VPS13B: variants seen among roughly 807,000 people sequenced by gnomAD.
VPS13B encodes vacuolar protein sorting 13 homolog B.
In VPS13B, 285 loss-of-function variants were observed where a neutral mutation model predicts 426.4. The ratio of observed to expected loss-of-function variants is 0.67; its 90% CI spans 0.61 to 0.74. VPS13B has a LOEUF of 0.74. Among genes scored for constraint, VPS13B ranks in the 30% least tolerant of loss-of-function variants. VPS13B has a pLI of 0.00. For synonymous variants in VPS13B, 1,676 were observed against 1,676.4 expected, an observed-to-expected ratio of 1.00 and a Z score of 0.01; for missense variants, 4,537 against 4,782.6, an observed-to-expected ratio of 0.95 and a Z score of 1.51.
At chr8:99,138,292 A>C (rs1363806333) in intron 12 of VPS13B, among the ~76,000 whole-genome samples, 1 of 152,084 alleles carries the variant, frequency 6.6e-6, no homozygotes, top group Non-Finnish European at 1.5e-5. Context: ...ATGCCTGGCT[A>C]ATTTTTGTAT....
rs763211157 is a variant in VPS13B, at chr8:99,820,029, C to T, written c.8901C>T (p.Ile2967=). 6.2e-7 allele frequency: 1 copy of T among 1,614,004 alleles called. No homozygotes were observed. The highest frequency in any genetic ancestry group is 8.5e-7 in the Non-Finnish European group (1 of 1,179,912). Reference sequence around the variant, plus strand: ...AACTTCTGCCCTGGGCCCTGCTTATCAATGAATCCAAATGGGACCTCTGGC... The same window carrying T: ...AACTTCTGCCCTGGGCCCTGCTTATTAATGAATCCAAATGGGACCTCTGGC... ...LIELLPWALL[I]NESKWDLWLF... The change falls in exon 49 of 62, where the codon ATC becomes ATT. Residue 2967 remains isoleucine (I), a synonymous_variant. Transcript: ENST00000357162.
intron 60 of VPS13B, chr8:99,871,183 C>T: frequency 1.6e-6 from 1 of 611,226 alleles, no homozygotes. Flanking sequence ...GGAACCAGCA[C>T]TCTAATTAGA....
Position 99,165,086 on chromosome 8 carries a change from A to G in VPS13B, c.2209-4953A>G, listed in dbSNP as rs1283399889. Among the ~76,000 whole-genome samples, 17 of 152,202 alleles carry G rather than the reference A, an allele frequency of 1.1e-4. 1 individual carries two copies. Among genetic ancestry groups the G allele is most frequent in the Admixed American group, 1.1e-3 (17 of 15,286 alleles). On this transcript the variant is annotated intron_variant, in intron 15 of 61. Transcript: ENST00000357162. ...TTTTATTTGTAATTGACAAAATTGT[A>G]TATATTATTGTTTATAACATGTTTT...
chr8:99,149,782 C>T (rs1024693998), intron 14 of VPS13B, among the ~76,000 whole-genome samples: 5 of 152,036 alleles, frequency 3.3e-5, no homozygotes, highest in East Asian at 1.9e-4. Context: ...ACCTGAGCTC[C>T]GCCTCCTGTG....
At chr8:99,090,402 G>A (rs1318699437) in intron 3 of VPS13B, among the ~76,000 whole-genome samples, 1 of 151,718 alleles carries the variant, frequency 6.6e-6, no homozygotes, top group Non-Finnish European at 1.5e-5. Context: ...TGAGTAGCTG[G>A]GATTACAGGT....
At chr8:99,724,505 C>T (rs1833252898) in intron 39 of VPS13B, among the ~76,000 whole-genome samples, 2 of 151,968 alleles carry the variant, frequency 1.3e-5, no homozygotes, top group South Asian at 4.2e-4. Flanking sequence ...TGTCTCCCCA[C>T]CCCCCGCCTT....
At chr8:99,640,706 CA>C (rs1458430874) in intron 33 of VPS13B, among the ~76,000 whole-genome samples, 6 of 152,118 alleles carry the variant, frequency 3.9e-5, no homozygotes, top group Admixed American at 2.6e-4. Flanking sequence ...AAATGTTATG[CA>C]GCTTTAAAAA....
rs151322976 is a variant in VPS13B, at chr8:99,164,390, C to T, written c.2209-5649C>T. ...TTCCTGTAAACGCCGGGCAGCATCT[C>T]GTACTATCCCTGACTGGTTAGTGTA... On this transcript the variant is annotated intron_variant, in intron 15 of 61. Transcript: ENST00000357162. Among the ~76,000 whole-genome samples the T allele has an allele frequency of 4.9e-3, 752 of 152,248 alleles. 6 individuals carry two copies. Among genetic ancestry groups the T allele is most frequent in the African/African-American group, 0.017 (710 of 41,546 alleles).
intron 33 of VPS13B, among the ~76,000 whole-genome samples, chr8:99,584,486 T>C (rs559775402): frequency 6.6e-6 from 1 of 152,216 alleles, no homozygotes; most frequent in African/African-American, 2.4e-5. Flanking sequence ...GCATTGTTCA[T>C]TGAGAGCTTA....
rs1256194055 is a variant in VPS13B, at chr8:99,854,391, G to C, written c.10867+135G>C. The C allele has an allele frequency of 1.3e-5, 13 of 1,028,338 alleles. No individual in the cohort carries two copies. In the East Asian group the frequency reaches 3.1e-4, roughly 25 times the overall value. The allele number at this position is 1,028,338 out of a possible 1,614,324, so 63.7% of individuals were successfully genotyped here. A position where few individuals can be genotyped will look rare whatever the true frequency, so the allele number is the denominator to read the frequency against. ...CACACCTGAGCTCTACAGTTACACA[G>C]AACTGGATCTAAATCTAGAGCCTGC... is the stretch of plus-strand genomic sequence containing the variant. On this transcript the variant is annotated intron_variant, in intron 56 of 61. Transcript: ENST00000357162.
intron 19 of VPS13B, among the ~76,000 whole-genome samples, chr8:99,362,119 GC>G (rs2133239254): frequency 6.7e-6 from 1 of 150,128 alleles, no homozygotes; most frequent in South Asian, 2.1e-4. Flanking sequence ...GATAAGGGCA[GC>G]TATTATATTT....
chr8:99,450,612 C>T (rs2133459842), intron 23 of VPS13B, among the ~76,000 whole-genome samples: 1 of 152,246 alleles, frequency 6.6e-6, no homozygotes, highest in East Asian at 1.9e-4. Flanking sequence ...ACTCAGGAGG[C>T]TGATGCAGGA....
intron 33 of VPS13B, among the ~76,000 whole-genome samples, chr8:99,609,137 G>A (rs1484936765): frequency 1.3e-5 from 2 of 152,090 alleles, no homozygotes; most frequent in Non-Finnish European, 2.9e-5. Context: ...TTCTTATTCT[G>A]TTATGTTATA....
chr8:99,138,228 G>A (rs772961328), intron 12 of VPS13B, among the ~76,000 whole-genome samples: 2 of 152,188 alleles, frequency 1.3e-5, no homozygotes, highest in East Asian at 3.9e-4. Flanking sequence ...CCTGGTTCAA[G>A]CGATTCTCAT....
chr8:99,833,336 T>G (rs1815192006), intron 52 of VPS13B, among the ~76,000 whole-genome samples: 1 of 152,200 alleles, frequency 6.6e-6, no homozygotes, highest in African/African-American at 2.4e-5. Flanking sequence ...AATAACTTAG[T>G]ATATATAACA....
chr8:99,296,547 C>T (rs562266221), intron 19 of VPS13B, among the ~76,000 whole-genome samples: 2 of 152,226 alleles, frequency 1.3e-5, no homozygotes, highest in South Asian at 2.1e-4. Flanking sequence ...TAAAAACAAG[C>T]AAAACCTTAT....
At chr8:99,455,058 T>C (rs1818382081) in intron 23 of VPS13B, among the ~76,000 whole-genome samples, 1 of 152,186 alleles carries the variant, frequency 6.6e-6, no homozygotes, top group African/African-American at 2.4e-5. Flanking sequence ...CAGTTTTGCT[T>C]TTCTTTTTGT....
At chr8:99,179,098 C>T (rs1812800557) in intron 16 of VPS13B, among the ~76,000 whole-genome samples, 1 of 152,136 alleles carries the variant, frequency 6.6e-6, no homozygotes, top group African/African-American at 2.4e-5. Flanking sequence ...TTTCAACTGA[C>T]TAATGAGTCA....
intron 8 of VPS13B, among the ~76,000 whole-genome samples, chr8:99,132,992 T>C (rs983889411): frequency 5.3e-5 from 8 of 152,192 alleles, no homozygotes; most frequent in Non-Finnish European, 1.0e-4. Context: ...TATCTTCAAC[T>C]TAAAGTTACC....
Sources: allele counts gnomAD v4.1 joint callset (sites outside exome capture counted in the v4.1 genomes callset), GRCh38; gene constraint gnomAD v4.1.1; transcripts MANE v1.5; gene names NCBI Gene and HGNC (gene_info 2026-07-23, HGNC 2026-07-21).